ZBTB7A: variants seen among roughly 807,000 people sequenced by gnomAD.
ZBTB7A encodes zinc finger and BTB domain containing 7A.
Under a neutral mutation model 26.7 loss-of-function variants are expected in ZBTB7A, and 7 were observed. The observed-to-expected ratio is 0.26, with a 90% confidence interval of 0.15 to 0.49. The LOEUF (loss-of-function observed/expected upper bound fraction) is 0.49. Among genes scored for constraint, ZBTB7A ranks in the 20% least tolerant of loss-of-function variants. ZBTB7A has a pLI of 0.98. For missense variants in ZBTB7A, 617 were observed against 919.5 expected (o/e 0.67, Z 4.25); for synonymous variants, 452 against 441.0 (o/e 1.02, Z -0.31).
intron 1 of ZBTB7A, among the ~76,000 whole-genome samples, chr19:4,065,186 G>A (rs1236334059): frequency 6.6e-6 from 1 of 151,722 alleles, no homozygotes; most frequent in Non-Finnish European, 1.5e-5. Context: ...GGCCAGAGGA[G>A]ACGGGGTCAC....
Position 4,053,371 on chromosome 19 carries a change from G to T in ZBTB7A, c.1262+600C>A, listed in dbSNP as rs10405279. ...AGAGGTGGGGTGTGTCTGTTTGCGTGTGTGTGCATATATGTGTGTCTGTGG... is the reference window on the plus strand; with the variant it reads ...AGAGGTGGGGTGTGTCTGTTTGCGTTTGTGTGCATATATGTGTGTCTGTGG... On this transcript the variant is annotated intron_variant, in intron 2 of 2. Coordinates refer to ENST00000322357, the MANE Select transcript of ZBTB7A (RefSeq NM_015898.4). Among the ~76,000 whole-genome samples the T allele has an allele frequency of 7.3e-3, 1,113 of 152,304 alleles. 16 individuals are homozygous for T. Among genetic ancestry groups the T allele is most frequent in the African/African-American group, 0.026 (1,064 of 41,542 alleles).
intron 2 of ZBTB7A, among the ~76,000 whole-genome samples, chr19:4,051,682 C>T (rs1048691803): frequency 1.1e-4 from 17 of 152,370 alleles, no homozygotes; most frequent in Middle Eastern, 3.4e-3. Flanking sequence ...GCAAAGCCCA[C>T]GGCAAGGTCT....
chr19:4,050,457 C>T (rs1199764894), intron 2 of ZBTB7A, among the ~76,000 whole-genome samples: 1 of 152,200 alleles, frequency 6.6e-6, no homozygotes, highest in Non-Finnish European at 1.5e-5. Context: ...GACTTGAGGG[C>T]CCCTCCCTGC....
chr19:4,044,289 T>C lies in ZBTB7A; in HGVS notation c.*3463A>G, dbSNP rs1395543159. 6.6e-6 allele frequency: 1 copy of C among 151,770 alleles called. No individual in the cohort carries two copies. The highest frequency in any genetic ancestry group is 1.5e-5 in the Non-Finnish European group (1 of 67,964). 9.4% of individuals were successfully genotyped at this position (151,770 alleles called of 1,614,324 possible). On this transcript the variant is annotated 3_prime_UTR_variant, in exon 3 of 3. Coordinates refer to ENST00000322357, the MANE Select transcript of ZBTB7A (RefSeq NM_015898.4). ...TATCGCCCGCTCGAGCCTGCCTGGC[T>C]GCAGGTCCACACCCATGCCAGGCCG...
chr19:4,045,707 A>C lies in ZBTB7A; in HGVS notation c.*2045T>G. 3 of 385,160 alleles carry C rather than the reference A, an allele frequency of 7.8e-6. No individual in the cohort carries two copies. Among genetic ancestry groups the C allele is most frequent in the Non-Finnish European group, 4.6e-6 (1 of 218,524 alleles). The allele number at this position is 385,160 out of a possible 1,614,324, so 23.9% of individuals were successfully genotyped here. ...GCAGAGCGTCTATTTTCGGGGTCCC[A>C]TGCTAGCATTGCATATGCAAACGGG... On this transcript the variant is annotated 3_prime_UTR_variant, in exon 3 of 3. Transcript: ENST00000322357. The surrounding 1 kb of genome is among the most constrained non-coding windows in gnomAD (Gnocchi z 4.1).
In ZBTB7A at chr19:4,048,396, T is replaced by C. The variant is rs1451488187; in HGVS notation, c.1263-152A>G. 24 of 1,184,972 alleles carry C rather than the reference T, an allele frequency of 2.0e-5. No homozygotes were observed. The highest frequency in any genetic ancestry group is 2.7e-5 in the Non-Finnish European group (24 of 903,764). 73.4% of individuals were successfully genotyped at this position (1,184,972 alleles called of 1,614,324 possible). ...GGTTTCGGTGCCCCGATGGGGACGG[T>C]CCCTCGAAAAACGAGACGAGTGGGG... On this transcript the variant is annotated intron_variant, in intron 2 of 2. Coordinates refer to ENST00000322357, the MANE Select transcript of ZBTB7A (RefSeq NM_015898.4). This position sits in a 1 kb window ranked among gnomAD's most constrained non-coding sequence, Gnocchi z 6.7.
rs1180902049 is a variant in ZBTB7A at position 4,054,996 on chromosome 19, G to A, written c.237C>T (p.Phe79=). Residue 79 remains phenylalanine, a synonymous_variant, in exon 2 of 3, where the codon TTC becomes TTT. Coordinates refer to ENST00000322357, the MANE Select transcript of ZBTB7A (RefSeq NM_015898.4). ...GCGCGGTGAGCGCCTCGGCGCTGAC[G>A]AAGTCGATCTCGTACACGTTCTGCT... is the stretch of plus-strand genomic sequence containing the variant. The part of the protein sequence containing the change: ...VDQQNVYEID[F]VSAEALTALM... The A allele has an allele frequency of 2.5e-6, 4 of 1,611,932 alleles. No homozygotes were observed. Among genetic ancestry groups the A allele is most frequent in the East Asian group, 2.2e-5 (1 of 44,836 alleles).
chr19:4,062,936 T>C (rs2040654685), intron 1 of ZBTB7A, among the ~76,000 whole-genome samples: 1 of 152,064 alleles, frequency 6.6e-6, no homozygotes, highest in African/African-American at 2.4e-5. Flanking sequence ...AGACTGAGGC[T>C]GGCAGAGGGG....
At chr19:4,050,096 T>C (rs2040483820) in intron 2 of ZBTB7A, among the ~76,000 whole-genome samples, 1 of 152,168 alleles carries the variant, frequency 6.6e-6, no homozygotes, top group African/African-American at 2.4e-5. Context: ...GGCTCATTTT[T>C]GTATTTTTAG....
At chr19:4,057,790 A>C (rs1200861490) in intron 1 of ZBTB7A, among the ~76,000 whole-genome samples, 1 of 151,446 alleles carries the variant, frequency 6.6e-6, no homozygotes, top group East Asian at 1.9e-4. Context: ...CCAAAAAAAA[A>C]AAAAAAAACA....
intron 2 of ZBTB7A, among the ~76,000 whole-genome samples, chr19:4,050,030 T>C (rs544045368): frequency 6.6e-6 from 1 of 152,266 alleles, no homozygotes; most frequent in East Asian, 1.9e-4. Context: ...TTCAAGCAAT[T>C]CTTCTGCCTC....
At position 4,055,227 on chromosome 19, in the gene ZBTB7A, G is replaced by A. The variant is rs1003505874; in HGVS notation, c.6C>T (p.Ala2=). Residue 2 remains alanine (A), a synonymous_variant, in exon 2 of 3, where the codon GCC becomes GCT. Coordinates refer to ENST00000322357, the MANE Select transcript of ZBTB7A (RefSeq NM_015898.4). The part of the protein sequence containing the change: M[A]GGVDGPIGIP... ...TCCCGATGGGGCCGTCCACGCCGCC[G>A]GCCATCTTCCGCGCCGAGACCTGCA... 5 of 1,511,682 alleles carry A rather than the reference G, an allele frequency of 3.3e-6. No individual in the cohort carries two copies. The highest frequency in any genetic ancestry group is 1.4e-5 in the African/African-American group (1 of 72,500). 93.6% of individuals were successfully genotyped at this position (1,511,682 alleles called of 1,614,324 possible).
Position 4,043,498 on chromosome 19 carries a change from A to G in ZBTB7A, c.*4254T>C, listed in dbSNP as rs1488888828. On this transcript the variant is annotated 3_prime_UTR_variant, in exon 3 of 3. Coordinates refer to ENST00000322357, the MANE Select transcript of ZBTB7A (RefSeq NM_015898.4). ...CTCCCACACTTTATAAAGACTCTCA[A>G]TACAGTCTCTGGAATGTCTATCTGT... is the stretch of plus-strand genomic sequence containing the variant. Among the ~76,000 whole-genome samples, 3 of 151,050 alleles carry G rather than the reference A, an allele frequency of 2.0e-5. No individual in the cohort carries two copies. Among genetic ancestry groups the G allele is most frequent in the Non-Finnish European group, 4.4e-5 (3 of 67,840 alleles).
chr19:4,055,300 T>A, intron 1 of ZBTB7A, 53 bp from the exon 2 acceptor site: 3 of 1,430,626 alleles, frequency 2.1e-6, no homozygotes, highest in Non-Finnish European at 2.7e-6. Flanking sequence ...CGGGGGTTCC[T>A]GTGCCCACTG....
chr19:4,058,336 T>TGGCCCTCTCTGGGCCTC (rs1485344251), intron 1 of ZBTB7A, among the ~76,000 whole-genome samples: 1 of 152,232 alleles, frequency 6.6e-6, no homozygotes, highest in Non-Finnish European at 1.5e-5. Context: ...GCCAAGGCCT[T>TGGCCCTCTCTGGGCCTC]GGCCCTCTCT....
Position 4,048,090 on chromosome 19 carries a change from T to G in ZBTB7A, c.1417A>C (p.Lys473Gln), listed in dbSNP as rs1177229675. ...LRPYQCDSCC[K>Q]TFVRSDHLHR... ...AGGTGGTCGGAGCGGACGAAGGTCTTGCAGCAGCTGTCGCACTGGTAGGGG... is the reference window on the plus strand; with the variant it reads ...AGGTGGTCGGAGCGGACGAAGGTCTGGCAGCAGCTGTCGCACTGGTAGGGG... Residue 473 changes from lysine (K) to glutamine (Q), a missense_variant, in exon 3 of 3, where the codon AAG becomes CAG. Transcript: ENST00000322357. The surrounding 1 kb of genome is among the most constrained non-coding windows in gnomAD (Gnocchi z 6.7). 6.2e-7 allele frequency: 1 copy of G among 1,609,738 alleles called. No individual in the cohort carries two copies.
Position 4,047,534 on chromosome 19 carries a change from G to A in ZBTB7A, c.*218C>T, listed in dbSNP as rs1287737254. On this transcript the variant is annotated 3_prime_UTR_variant, in exon 3 of 3. Coordinates refer to ENST00000322357, the MANE Select transcript of ZBTB7A (RefSeq NM_015898.4). Reference sequence around the variant, plus strand: ...AGCCAGGGAGGGCCGGGGCCCCTGCGGAGGGAGAAAAACGTCAGAAAGGAG... The same window carrying A: ...AGCCAGGGAGGGCCGGGGCCCCTGCAGAGGGAGAAAAACGTCAGAAAGGAG... 5.9e-6 allele frequency: 2 copies of A among 337,022 alleles called. No individual in the cohort carries two copies. Among genetic ancestry groups the A allele is most frequent in the South Asian group, 1.1e-4 (1 of 9,212 alleles). The allele number at this position is 337,022 out of a possible 1,614,324, so 20.9% of individuals were successfully genotyped here. A position where few individuals can be genotyped will look rare whatever the true frequency, so the allele number is the denominator to read the frequency against.
At chr19:4,061,463 C>G (rs1456809915) in intron 1 of ZBTB7A, among the ~76,000 whole-genome samples, 2 of 152,134 alleles carry the variant, frequency 1.3e-5, no homozygotes, top group Non-Finnish European at 2.9e-5. Context: ...TGGCCCAGTC[C>G]TCGGCCTGGG....
chr19:4,064,991 G>T (rs1371793988), intron 1 of ZBTB7A, among the ~76,000 whole-genome samples: 3 of 151,896 alleles, frequency 2.0e-5, no homozygotes, highest in African/African-American at 7.2e-5. Flanking sequence ...CGGTCCCTGG[G>T]GGGGCACCCG....
Sources: allele counts gnomAD v4.1 joint callset (sites outside exome capture counted in the v4.1 genomes callset), GRCh38; gene constraint gnomAD v4.1.1; non-coding constraint Gnocchi (gnomAD v3.1); transcripts MANE v1.5; gene names NCBI Gene and HGNC (gene_info 2026-07-23, HGNC 2026-07-21).